The following PIK3CB variants were observed in gnomAD, a reference collection of about 807,000 sequenced individuals.
PIK3CB encodes the protein phosphatidylinositol 4,5-bisphosphate 3-kinase catalytic subunit beta isoform.
PIK3CB carries 39 observed loss-of-function variants against 136.8 expected under a neutral mutation model. The observed-to-expected ratio is 0.29, with a 90% confidence interval of 0.22 to 0.37. PIK3CB has a LOEUF of 0.37. Among genes scored for constraint, PIK3CB ranks in the 10% least tolerant of loss-of-function variants. PIK3CB has a pLI of 1.00. For synonymous variants in PIK3CB, 428 were observed against 436.6 expected (o/e 0.98, Z 0.25); for missense variants, 868 against 1,275.4 (o/e 0.68, Z 4.87).
At chr3:138,655,899 A>C (rs1225814374) in intron 23 of PIK3CB, among the ~76,000 whole-genome samples, 1 of 152,198 alleles carries the variant, frequency 6.6e-6, no homozygotes, top group African/African-American at 2.4e-5. Flanking sequence ...GTGAGTAAGA[A>C]GGCTACAGCC....
Position 138,814,614 on chromosome 3 carries a change from A to T in PIK3CB, c.-121-18047T>A, listed in dbSNP as rs900662063. On this transcript the variant is annotated intron_variant, in intron 1 of 23. Coordinates refer to ENST00000674063, the MANE Select transcript of PIK3CB (RefSeq NM_006219.3). Reference sequence around the variant, plus strand: ...TTTCTAGCTCTCTCTAGATTTCCCCAACCCTCCACCTTCCTTTCCTCCACT... The same window carrying T: ...TTTCTAGCTCTCTCTAGATTTCCCCTACCCTCCACCTTCCTTTCCTCCACT... Among the ~76,000 whole-genome samples the T allele has an allele frequency of 2.8e-4, 42 of 152,016 alleles. 1 individual carries two copies. The highest frequency in any genetic ancestry group is 9.9e-4 in the African/African-American group (41 of 41,374).
At chr3:138,659,226 C>T (rs1269213462) in intron 21 of PIK3CB, among the ~76,000 whole-genome samples, 1 of 152,180 alleles carries the variant, frequency 6.6e-6, no homozygotes, top group Admixed American at 6.5e-5. Flanking sequence ...TGAAAAATCA[C>T]CCCACTTGAT....
intron 16 of PIK3CB, among the ~76,000 whole-genome samples, chr3:138,688,231 G>C (rs1007072244): frequency 1.3e-5 from 2 of 152,286 alleles, no homozygotes; most frequent in South Asian, 4.1e-4. Flanking sequence ...GCCAGGTACG[G>C]TGGCTCACAC....
chr3:138,674,089 G>C (rs1203692223), intron 19 of PIK3CB, among the ~76,000 whole-genome samples: 2 of 151,790 alleles, frequency 1.3e-5, no homozygotes, highest in Admixed American at 6.6e-5. Context: ...CAAGCTAACT[G>C]AAAGCTTAAA....
intron 8 of PIK3CB, among the ~76,000 whole-genome samples, chr3:138,729,156 C>G (rs2108627569): frequency 6.6e-6 from 1 of 152,062 alleles, no homozygotes; most frequent in African/African-American, 2.4e-5. Context: ...TGGCAGGTGC[C>G]TATAATTCCA....
At chr3:138,740,217 G>A (rs1182217131) in intron 5 of PIK3CB, among the ~76,000 whole-genome samples, 1 of 152,130 alleles carries the variant, frequency 6.6e-6, no homozygotes, top group Non-Finnish European at 1.5e-5. Context: ...AAATTAGCAT[G>A]GCGTGGTGGT....
At chr3:138,761,344 C>T (rs1259438086) in intron 2 of PIK3CB, among the ~76,000 whole-genome samples, 1 of 152,164 alleles carries the variant, frequency 6.6e-6, no homozygotes, top group African/African-American at 2.4e-5. Context: ...TTCAATAAAA[C>T]AAATTATATG....
chr3:138,794,327 T>C (rs555463706), intron 2 of PIK3CB, among the ~76,000 whole-genome samples: 169 of 152,260 alleles, frequency 1.1e-3, no homozygotes, highest in Non-Finnish European at 8.5e-4. Flanking sequence ...CTCTGTTTTA[T>C]TGAAGATGAA....
At chr3:138,780,504 C>T (rs569514420) in intron 2 of PIK3CB, among the ~76,000 whole-genome samples, 4 of 151,628 alleles carry the variant, frequency 2.6e-5, no homozygotes, top group South Asian at 2.1e-4. Flanking sequence ...CTCTTGACCT[C>T]GTGATCTGCC....
intron 21 of PIK3CB, among the ~76,000 whole-genome samples, chr3:138,658,056 T>TTA (rs1220003524): frequency 6.6e-6 from 1 of 152,194 alleles, no homozygotes; most frequent in African/African-American, 2.4e-5. Context: ...AAACTGTAGA[T>TTA]ATCTAGTGGA....
intron 4 of PIK3CB, among the ~76,000 whole-genome samples, chr3:138,748,638 G>T (rs1428200542): frequency 6.6e-6 from 1 of 152,172 alleles, no homozygotes; most frequent in Admixed American, 6.6e-5. Context: ...ATACAGTGGT[G>T]CAGGAGATAA....
chr3:138,812,218 T>A (rs1933101833), intron 1 of PIK3CB, among the ~76,000 whole-genome samples: 1 of 149,840 alleles, frequency 6.7e-6, no homozygotes. Flanking sequence ...TGACTGGGGC[T>A]ATAAAAAGGT....
intron 8 of PIK3CB, among the ~76,000 whole-genome samples, chr3:138,717,317 C>G: frequency 6.6e-6 from 1 of 150,954 alleles, no homozygotes; most frequent in East Asian, 1.9e-4. Context: ...ATTGTTGTCT[C>G]CTCTGATTAA....
intron 21 of PIK3CB, among the ~76,000 whole-genome samples, chr3:138,663,109 A>T (rs2043332138): frequency 6.6e-6 from 1 of 152,140 alleles, no homozygotes; most frequent in South Asian, 2.1e-4. Context: ...AACTACCATC[A>T]GAGTGAACAG....
rs905182537 is a variant in PIK3CB at position 138,827,132 on chromosome 3, A to T, written c.-122+7563T>A. Among the ~76,000 whole-genome samples the T allele has an allele frequency of 3.3e-5, 5 of 152,182 alleles. No individual in the cohort carries two copies. In the East Asian group the frequency reaches 9.6e-4, roughly 29 times the overall value. On this transcript the variant is annotated intron_variant, in intron 1 of 23. Coordinates refer to ENST00000674063, the MANE Select transcript of PIK3CB (RefSeq NM_006219.3). ...AATACTAAATACGATTGAATACAGG[A>T]TCAAACTACCACATCCTAAAACCAG...
chr3:138,685,532 C>A (rs2108491471), intron 16 of PIK3CB, among the ~76,000 whole-genome samples: 1 of 151,324 alleles, frequency 6.6e-6, no homozygotes, highest in Non-Finnish European at 1.5e-5. Flanking sequence ...ATTTGGCCAA[C>A]TTCCTAGTAT....
intron 1 of PIK3CB, among the ~76,000 whole-genome samples, chr3:138,798,509 A>G (rs1236120769): frequency 6.6e-6 from 1 of 152,138 alleles, no homozygotes; most frequent in Non-Finnish European, 1.5e-5. Context: ...GAAACTCTAG[A>G]AGGTTACATG....
At chr3:138,706,721 G>A (rs971315607) in intron 11 of PIK3CB, among the ~76,000 whole-genome samples, 3 of 152,014 alleles carry the variant, frequency 2.0e-5, no homozygotes, top group South Asian at 4.1e-4. Flanking sequence ...GCAATGGCAC[G>A]ATCTTGGCTC....
intron 4 of PIK3CB, among the ~76,000 whole-genome samples, chr3:138,754,916 G>A (rs1402699450): frequency 6.6e-6 from 1 of 152,126 alleles, no homozygotes; most frequent in Non-Finnish European, 1.5e-5. Context: ...ACCTTTTGTA[G>A]TTCCTAATTC....
Sources: gnomAD v4.1 joint callset for allele counts (sites outside exome capture counted in the v4.1 genomes callset) on GRCh38, gnomAD v4.1.1 for gene constraint, MANE v1.5 for transcripts, NCBI Gene and HGNC (gene_info 2026-07-23, HGNC 2026-07-21) for gene names.